TMEM260: variants seen among roughly 807,000 people sequenced by gnomAD.
TMEM260 encodes transmembrane protein 260.
TMEM260 carries 82 observed loss-of-function variants against 88.9 expected under a neutral mutation model. The observed-to-expected ratio is 0.92, with a 90% CI of 0.77 to 1.11. The LOEUF is 1.11. Ranked by LOEUF, TMEM260 falls within the 50% of genes least tolerant of loss-of-function variation. TMEM260 has a pLI of 0.00. For missense variants in TMEM260, 902 were observed against 853.4 expected, an observed-to-expected ratio of 1.06 and a Z score of -0.71; for synonymous variants, 314 against 309.3, an observed-to-expected ratio of 1.02 and a Z score of -0.16.
At chr14:56,604,314 G>A (rs1436357059) in intron 4 of TMEM260, among the ~76,000 whole-genome samples, 1 of 149,784 alleles carries the variant, frequency 6.7e-6, no homozygotes, top group Non-Finnish European at 1.5e-5. Flanking sequence ...TTATCAGAAG[G>A]TGCCAAGCTC....
chr14:56,580,376 TC>T (rs1307996145), intron 1 of TMEM260, among the ~76,000 whole-genome samples: 5 of 152,272 alleles, frequency 3.3e-5, no homozygotes, highest in Non-Finnish European at 7.3e-5. Flanking sequence ...TTACTTTCAG[TC>T]TTTTTTAGTC....
chr14:56,649,591 C>G (rs142932442), downstream of TMEM260: 258 of 152,704 alleles, frequency 1.7e-3, 1 homozygote, highest in Admixed American at 0.016. Flanking sequence ...CATCTATACA[C>G]AGATATGTGA....
intron 3 of TMEM260, among the ~76,000 whole-genome samples, chr14:56,601,432 C>A (rs1267218918): frequency 1.3e-5 from 2 of 152,102 alleles, no homozygotes; most frequent in Non-Finnish European, 2.9e-5. Context: ...TGTCCTATTA[C>A]TAATGCTGTT....
chr14:56,586,016 C>T, intron 3 of TMEM260, 104 bp downstream of exon 3: 1 of 1,166,374 alleles, frequency 8.6e-7, no homozygotes, highest in East Asian at 2.4e-5. Context: ...CTTGGTTTCC[C>T]TAACACATGT....
intron 15 of TMEM260, among the ~76,000 whole-genome samples, chr14:56,645,085 G>A (rs1450898969): frequency 6.7e-6 from 1 of 150,336 alleles, no homozygotes; most frequent in Non-Finnish European, 1.5e-5. Context: ...AGTCAGTGTG[G>A]TGATTCCTCA....
At chr14:56,659,523 G>A in the TMEM260 span, among the ~76,000 whole-genome samples, 1 of 152,214 alleles carries the variant, frequency 6.6e-6, no homozygotes, top group Non-Finnish European at 1.5e-5. Flanking sequence ...GTGGACCTGG[G>A]TGAGAACTGG....
chr14:56,597,166 A>C (rs942273803), intron 3 of TMEM260, among the ~76,000 whole-genome samples: 1 of 152,240 alleles, frequency 6.6e-6, no homozygotes, highest in Non-Finnish European at 1.5e-5. Context: ...AGTGTTCCAC[A>C]TACAGGTTAA....
Position 56,618,767 on chromosome 14 carries a change from A to ATTCTAAT in TMEM260, c.1226+5_1226+6insTCTAATT, listed in dbSNP as rs1566555477. 6.2e-7 allele frequency: 1 copy of ATTCTAAT among 1,612,246 alleles called. No homozygotes were observed. Among genetic ancestry groups the ATTCTAAT allele is most frequent in the African/African-American group, 1.3e-5 (1 of 74,940 alleles). On this transcript the variant is annotated splice_donor_region_variant and intron_variant, in intron 10 of 15. Transcript: ENST00000261556. ...ACCAAATATATTCTAATTACAGGTA[A>ATTCTAAT]TACATGGTTATTTTTATGAAAAGTA...
At chr14:56,631,992 C>T (rs1023528355) in intron 12 of TMEM260, among the ~76,000 whole-genome samples, 6 of 152,138 alleles carry the variant, frequency 3.9e-5, no homozygotes, top group Non-Finnish European at 8.8e-5. Context: ...CCTGCTCATG[C>T]CTGACTAGCT....
At chr14:56,584,959 T>C (rs760185204) in intron 1 of TMEM260, 42 bp from the exon 2 acceptor site, 33 of 1,584,388 alleles carry the variant, frequency 2.1e-5, no homozygotes, top group Non-Finnish European at 2.8e-5. Flanking sequence ...AGGAGTGTCA[T>C]TCTCTAATAG....
At chr14:56,662,644 A>G in the TMEM260 span, among the ~76,000 whole-genome samples, 6 of 152,324 alleles carry the variant, frequency 3.9e-5, no homozygotes, top group African/African-American at 1.4e-4. Flanking sequence ...ACACAGGGAA[A>G]CTATCTCCGA....
rs781609705 is a variant in TMEM260 at position 56,609,131 on chromosome 14, A to C, written c.662A>C (p.Lys221Thr). 33 of 1,614,022 alleles carry C rather than the reference A, an allele frequency of 2.0e-5. No individual in the cohort carries two copies. Among genetic ancestry groups the C allele is most frequent in the Non-Finnish European group, 2.6e-5 (31 of 1,180,020 alleles). The change falls in exon 6 of 16, where the codon AAG becomes ACG. Residue 221 changes from lysine (K) to threonine (T), a missense_variant. Coordinates refer to ENST00000261556, the MANE Select transcript of TMEM260 (RefSeq NM_017799.4). ...KKELSLGSLL[K>T]LSLYFSAGLL... ...GAACTCTCCCTGGGCTCTTTGTTGA[A>C]GTTGAGCCTGTACTTCTCTGCTGGT... is the stretch of plus-strand genomic sequence containing the variant.
chr14:56,636,499 C>G lies in TMEM260; in HGVS notation c.1779-9C>G, dbSNP rs1308400529. On this transcript the variant is annotated splice_polypyrimidine_tract_variant and intron_variant, in intron 14 of 15. Coordinates refer to ENST00000261556, the MANE Select transcript of TMEM260 (RefSeq NM_017799.4). ...TGATTTTAATGAAGGTTCCTATCCC[C>G]ACCCCCAGGATGAAAACACCGTTCT... The G allele has an allele frequency of 6.2e-7, 1 of 1,613,254 alleles. No individual in the cohort carries two copies. Among genetic ancestry groups the G allele is most frequent in the Non-Finnish European group, 8.5e-7 (1 of 1,179,338 alleles).
chr14:56,605,450 G>T, intron 4 of TMEM260, 120 bp from the exon 5 acceptor site: 1 of 440,128 alleles, frequency 2.3e-6, no homozygotes. Context: ...GCATCTTAGA[G>T]GTTGATTTTA....
chr14:56,662,858 C>T, the TMEM260 span, among the ~76,000 whole-genome samples: 1 of 152,168 alleles, frequency 6.6e-6, no homozygotes, highest in African/African-American at 2.4e-5. Context: ...GCCGGGCACC[C>T]TGGCTACGCC....
downstream of TMEM260, among the ~76,000 whole-genome samples, chr14:56,654,135 A>T (rs1890258671): frequency 6.6e-6 from 1 of 151,976 alleles, no homozygotes. Flanking sequence ...CCAGAATGTA[A>T]TTTTTTTCCC....
chr14:56,608,959 A>T, intron 5 of TMEM260, 147 bp from the exon 6 acceptor site: 1 of 853,306 alleles, frequency 1.2e-6, no homozygotes, highest in Non-Finnish European at 1.8e-6. Flanking sequence ...CAGAAGGTTT[A>T]ACATAGTATT....
chr14:56,596,387 T>A lies in TMEM260; in HGVS notation c.345-7428T>A, dbSNP rs1165292474. ...ACACACATATATATGTGAGAGTGTG[T>A]GTGTGTGTGTGTGTGTGTGTATATA... On this transcript the variant is annotated intron_variant, in intron 3 of 15. Transcript: ENST00000261556. Among the ~76,000 whole-genome samples the A allele has an allele frequency of 3.6e-3, 439 of 122,254 alleles. 8 individuals carry two copies. In the South Asian group the frequency reaches 0.051, roughly 14 times the overall value. 80.2% of individuals were successfully genotyped at this position (122,254 alleles called of 152,430 possible). A position where few individuals can be genotyped will look rare whatever the true frequency, so the allele number is the denominator to read the frequency against.
chr14:56,595,099 T>C lies in TMEM260; in HGVS notation c.345-8716T>C, dbSNP rs138633461. On this transcript the variant is annotated intron_variant, in intron 3 of 15. Coordinates refer to ENST00000261556, the MANE Select transcript of TMEM260 (RefSeq NM_017799.4). ...TTAATTGGAAGCTCTAGGAATTCTG[T>C]AAACTCATAGGAAAATTGCTTTCTT... is the stretch of plus-strand genomic sequence containing the variant. Among the ~76,000 whole-genome samples the C allele has an allele frequency of 2.9e-3, 435 of 152,346 alleles. 4 individuals are homozygous for C. The highest frequency in any genetic ancestry group is 0.01 in the African/African-American group (417 of 41,586).
Sources: gnomAD v4.1 joint callset for allele counts (sites outside exome capture counted in the v4.1 genomes callset) on GRCh38, gnomAD v4.1.1 for gene constraint, MANE v1.5 for transcripts, NCBI Gene and HGNC (gene_info 2026-07-23, HGNC 2026-07-21) for gene names.